TNIK: variants seen among roughly 807,000 people sequenced by gnomAD.
TNIK encodes TRAF2 and NCK interacting kinase.
A neutral mutation model predicts 191.3 loss-of-function variants in TNIK; 49 were observed. The observed-to-expected ratio is 0.26, with a 90% CI of 0.20 to 0.32. TNIK has a LOEUF of 0.32. TNIK is among the 10% of genes least tolerant of loss of function. TNIK has a pLI of 1.00. For synonymous variants in TNIK, 594 were observed against 600.9 expected (o/e 0.99, Z 0.17); for missense variants, 1,155 against 1,702.3 (o/e 0.68, Z 5.66).
chr3:171,137,968 C>CAAAAA (rs58897378), intron 15 of TNIK, among the ~76,000 whole-genome samples: 53 of 119,294 alleles, frequency 4.4e-4, no homozygotes, highest in East Asian at 7.9e-4. Context: ...CAAAGATATA[C>CAAAAA]AAAAAAAAAA....
intron 3 of TNIK, among the ~76,000 whole-genome samples, chr3:171,221,574 TA>T (rs1427836182): frequency 6.6e-6 from 1 of 152,172 alleles, no homozygotes; most frequent in African/African-American, 2.4e-5. Flanking sequence ...TGTCTTGTAC[TA>T]AAATATAAGA....
chr3:171,225,707 C>A, intron 3 of TNIK: 1 of 441,036 alleles, frequency 2.3e-6, no homozygotes. Flanking sequence ...GGTGGTCTAG[C>A]AATAGTGGTT....
chr3:171,225,504 G>A (rs1163067124), intron 3 of TNIK: 1 of 454,804 alleles, frequency 2.2e-6, no homozygotes, highest in African/African-American at 2.0e-5. Flanking sequence ...GTAATGGATT[G>A]ACACTCCTTT....
At chr3:171,102,166 T>G (rs1723680869) in intron 21 of TNIK, 1 of 152,156 alleles carries the variant, frequency 6.6e-6, no homozygotes, top group African/African-American at 2.4e-5. Flanking sequence ...CCCTGGAGAA[T>G]GGAGGTACCA....
chr3:171,108,021 T>TGGTA lies in TNIK; in HGVS notation c.2382+40_2382+43dup, dbSNP rs765454898. 93 of 1,543,448 alleles carry TGGTA rather than the reference T, an allele frequency of 6.0e-5. No individual in the cohort carries two copies. The East Asian group carries it at 1.5e-3, about 25-fold the overall frequency. On this transcript the variant is annotated intron_variant, in intron 20 of 32. Transcript: ENST00000436636. ...CAACTACTTAATCCTGTGGGTTCTCTGGTAAATTAAGAGTTCAAAACTCTT... is the reference window on the plus strand; with the variant it reads ...CAACTACTTAATCCTGTGGGTTCTCTGGTAGGTAAATTAAGAGTTCAAAACTCTT...
chr3:171,320,617 G>GA (rs59046965), intron 2 of TNIK, among the ~76,000 whole-genome samples: 47,924 of 151,820 alleles, frequency 0.32, 7,667 homozygotes, highest in East Asian at 0.38. Context: ...ATGATTTATG[G>GA]AAAAAAACAA....
intron 4 of TNIK, among the ~76,000 whole-genome samples, chr3:171,198,781 A>G (rs757137716): frequency 7.9e-5 from 12 of 152,196 alleles, no homozygotes; most frequent in Non-Finnish European, 1.6e-4. Flanking sequence ...ATCAGGGTTC[A>G]ATGCCAGCAG....
intron 1 of TNIK, among the ~76,000 whole-genome samples, chr3:171,446,603 T>G (rs1727527109): frequency 6.6e-6 from 1 of 152,204 alleles, no homozygotes; most frequent in South Asian, 2.1e-4. Context: ...ATACGGAGCT[T>G]TTTACTCTGG....
chr3:171,295,092 C>T (rs754199434), intron 2 of TNIK, among the ~76,000 whole-genome samples: 2 of 151,770 alleles, frequency 1.3e-5, no homozygotes, highest in Non-Finnish European at 2.9e-5. Context: ...AGATATATAT[C>T]CTTCTGTTCA....
chr3:171,358,379 T>C (rs992195957), intron 2 of TNIK, among the ~76,000 whole-genome samples: 6 of 152,156 alleles, frequency 3.9e-5, no homozygotes, highest in African/African-American at 1.2e-4. Flanking sequence ...TCTTACATGG[T>C]GCAGACAAGA....
chr3:171,430,968 T>C (rs1725300039), intron 1 of TNIK, among the ~76,000 whole-genome samples: 1 of 152,158 alleles, frequency 6.6e-6, no homozygotes, highest in Non-Finnish European at 1.5e-5. Context: ...AGATAAAAAG[T>C]AGAGCCACAC....
intron 2 of TNIK, among the ~76,000 whole-genome samples, chr3:171,273,619 C>T (rs7616996): frequency 0.25 from 37,754 of 151,996 alleles, 4,843 homozygotes; most frequent in South Asian, 0.28. Context: ...TGATCACTGG[C>T]GAGTCCTATT....
chr3:171,268,675 G>A (rs1346752969), intron 2 of TNIK, among the ~76,000 whole-genome samples: 3 of 151,902 alleles, frequency 2.0e-5, no homozygotes, highest in Admixed American at 1.3e-4. Flanking sequence ...CTAGCTGTAG[G>A]AATGGAGTTT....
chr3:171,107,325 C>G, intron 20 of TNIK, 119 bp from the exon 21 acceptor site: 1 of 848,458 alleles, frequency 1.2e-6, no homozygotes, highest in Non-Finnish European at 1.8e-6. Context: ...TACAAAAGGG[C>G]GAAGAGAATG....
chr3:171,355,778 T>C (rs1342393243), intron 2 of TNIK, among the ~76,000 whole-genome samples: 1 of 152,310 alleles, frequency 6.6e-6, no homozygotes, highest in African/African-American at 2.4e-5. Context: ...TAACTTGCAG[T>C]CATGCAAATT....
intron 17 of TNIK, among the ~76,000 whole-genome samples, chr3:171,125,115 G>T (rs1176878841): frequency 6.6e-6 from 1 of 152,164 alleles, no homozygotes; most frequent in Non-Finnish European, 1.5e-5. Flanking sequence ...GGCATTTTCT[G>T]CAAATTGTGG....
rs369755961 is a variant in TNIK at position 171,085,430 on chromosome 3, G to A, written c.2887-201C>T. Among the ~76,000 whole-genome samples, 35 of 152,262 alleles carry A rather than the reference G, an allele frequency of 2.3e-4. 2 individuals carry two copies. The South Asian group carries it at 7.0e-3, about 31-fold the overall frequency. On this transcript the variant is annotated intron_variant, in intron 24 of 32. Coordinates refer to ENST00000436636, the MANE Select transcript of TNIK (RefSeq NM_015028.4). ...CTCACTAGTCATTGTGCATTCGTAG[G>A]ACTTCATTAATTATCAGACTGCAAG...
At chr3:171,457,592 G>A (rs757754553) in intron 1 of TNIK, among the ~76,000 whole-genome samples, 1 of 152,188 alleles carries the variant, frequency 6.6e-6, no homozygotes, top group Non-Finnish European at 1.5e-5. Flanking sequence ...TGGCAAGGTG[G>A]AGATGATCTG....
At chr3:171,167,339 G>A (rs1223379652) in intron 9 of TNIK, 69 bp from the exon 10 acceptor site, 7 of 1,558,990 alleles carry the variant, frequency 4.5e-6, no homozygotes, top group East Asian at 4.5e-5. Flanking sequence ...TGTAATTTCT[G>A]AAATGCTGGG....
Sources: allele counts gnomAD v4.1 joint callset (sites outside exome capture counted in the v4.1 genomes callset), GRCh38; gene constraint gnomAD v4.1.1; transcripts MANE v1.5; gene names NCBI Gene and HGNC (gene_info 2026-07-23, HGNC 2026-07-21).